The following CNTN5 variants were observed in gnomAD, a reference collection of about 807,000 sequenced individuals.
CNTN5 encodes contactin 5, also known as contactin-5.
A neutral mutation model predicts 129.1 loss-of-function variants in CNTN5; 77 were observed. That is an observed-to-expected ratio of 0.60 (90% confidence interval 0.50 to 0.72). The LOEUF is 0.72. Ranked by LOEUF, CNTN5 falls within the 30% of genes least tolerant of loss-of-function variation. The pLI is 0.00. For missense variants in CNTN5, 1,478 were observed against 1,328.8 expected, an observed-to-expected ratio of 1.11 and a Z score of -1.75; for synonymous variants, 509 against 465.6, an observed-to-expected ratio of 1.09 and a Z score of -1.20.
intron 2 of CNTN5, among the ~76,000 whole-genome samples, chr11:99,449,032 C>CTT (rs1450239416): frequency 6.6e-6 from 1 of 152,042 alleles, no homozygotes; most frequent in African/African-American, 2.4e-5. Flanking sequence ...ATTCGCCTGT[C>CTT]TTGGTCTCCA....
rs138743586 is a variant in CNTN5 at position 99,793,338 on chromosome 11, C to T, written c.56-26206C>T. ...CCTCCCAAAGTGCTGGGATTACAGG[C>T]GTGAGCCACTGTGCCCGGCTCTATC... On this transcript the variant is annotated intron_variant, in intron 3 of 24. Coordinates refer to ENST00000524871, the MANE Select transcript of CNTN5 (RefSeq NM_014361.4). Among the ~76,000 whole-genome samples the T allele has an allele frequency of 2.0e-3, 299 of 152,282 alleles. 1 individual carries two copies. Among genetic ancestry groups the T allele is most frequent in the African/African-American group, 2.8e-3 (117 of 41,562 alleles).
At chr11:99,820,953 T>C (rs988159733) in intron 4 of CNTN5, among the ~76,000 whole-genome samples, 1 of 152,230 alleles carries the variant, frequency 6.6e-6, no homozygotes, top group African/African-American at 2.4e-5. Context: ...ATTATACCAA[T>C]TGTTGCCATG....
At position 100,315,240 on chromosome 11, in the gene CNTN5, G is replaced by A. The variant is rs1052028920; in HGVS notation, c.2730+6772G>A. Among the ~76,000 whole-genome samples, 24 of 152,238 alleles carry A rather than the reference G, an allele frequency of 1.6e-4. 1 individual carries two copies. Among genetic ancestry groups the A allele is most frequent in the South Asian group, 6.2e-4 (3 of 4,818 alleles). On this transcript the variant is annotated intron_variant, in intron 21 of 24. Coordinates refer to ENST00000524871, the MANE Select transcript of CNTN5 (RefSeq NM_014361.4). ...CTTACACTTGGCATTTTGGCCTTTC[G>A]CAAGGAAGCTTCCATTACATCTTAA...
intron 13 of CNTN5, among the ~76,000 whole-genome samples, chr11:100,094,649 G>T (rs1044410583): frequency 6.6e-6 from 1 of 151,676 alleles, no homozygotes; most frequent in Non-Finnish European, 1.5e-5. Flanking sequence ...TGGGTTTGTG[G>T]GGAGGGTGGA....
chr11:100,106,859 GACAAAAGTAAAATATCCT>G (rs1945454514), intron 13 of CNTN5, among the ~76,000 whole-genome samples: 1 of 152,030 alleles, frequency 6.6e-6, no homozygotes, highest in South Asian at 2.1e-4. Flanking sequence ...TTTCCAATGA[GACAAAAGTAAAATATCCT>G]ACTGTTTTTA....
rs1864772859 is a variant in CNTN5, at chr11:99,059,303, T to A, written c.-210+38033T>A. 2.0e-5 allele frequency among the ~76,000 whole-genome samples: 3 copies of A among 152,226 alleles called. No individual in the cohort carries two copies. The East Asian group carries it at 5.8e-4, about 29-fold the overall frequency. On this transcript the variant is annotated intron_variant, in intron 1 of 24. Coordinates refer to ENST00000524871, the MANE Select transcript of CNTN5 (RefSeq NM_014361.4). ...GTCCTTCATTATCATGGAAACAATA[T>A]GTAGACTATTCTTTTACAAAAAGCC... is the stretch of plus-strand genomic sequence containing the variant.
At chr11:99,489,329 G>A (rs934667577) in intron 2 of CNTN5, among the ~76,000 whole-genome samples, 8 of 152,220 alleles carry the variant, frequency 5.3e-5, no homozygotes, top group African/African-American at 1.2e-4. Context: ...GCAATAGAGC[G>A]TTATTTATTC....
At chr11:100,223,694 G>C (rs1312403123) in intron 15 of CNTN5, among the ~76,000 whole-genome samples, 2 of 151,996 alleles carry the variant, frequency 1.3e-5, no homozygotes, top group South Asian at 4.1e-4. Context: ...TGAGTTCTTT[G>C]ATGTCATTTC....
intron 3 of CNTN5, among the ~76,000 whole-genome samples, chr11:99,792,609 G>C (rs1470864447): frequency 7.5e-6 from 1 of 134,046 alleles, no homozygotes; most frequent in African/African-American, 2.8e-5. Flanking sequence ...GCAAGGTTTT[G>C]GTATTAAGAT....
At chr11:99,966,179 G>C (rs1951089068) in intron 8 of CNTN5, among the ~76,000 whole-genome samples, 1 of 152,116 alleles carries the variant, frequency 6.6e-6, no homozygotes, top group Non-Finnish European at 1.5e-5. Context: ...AAAAAATGTA[G>C]ACCTTTCTAA....
chr11:99,925,729 C>G (rs1178292516), intron 7 of CNTN5, among the ~76,000 whole-genome samples: 1 of 149,630 alleles, frequency 6.7e-6, no homozygotes, highest in Admixed American at 6.6e-5. Context: ...TTTTTTTTTT[C>G]TTTTGGATTC....
chr11:100,035,575 A>G (rs1262771041), intron 9 of CNTN5, among the ~76,000 whole-genome samples: 14 of 142,800 alleles, frequency 9.8e-5, no homozygotes, highest in Non-Finnish European at 3.0e-5. Context: ...GAACTAGTTT[A>G]CAGTCCCACC....
intron 18 of CNTN5, among the ~76,000 whole-genome samples, chr11:100,280,764 C>T (rs1950619036): frequency 6.6e-6 from 1 of 152,044 alleles, no homozygotes; most frequent in Admixed American, 6.5e-5. Context: ...TTCCTTCTTT[C>T]CTTTCTTCCT....
At chr11:99,690,356 G>C (rs1196627072) in intron 3 of CNTN5, among the ~76,000 whole-genome samples, 3 of 152,080 alleles carry the variant, frequency 2.0e-5, no homozygotes, top group Non-Finnish European at 2.9e-5. Context: ...TTGAAGTTGG[G>C]TAACATGATG....
At chr11:99,254,682 A>G (rs1862286542) in intron 1 of CNTN5, among the ~76,000 whole-genome samples, 1 of 151,982 alleles carries the variant, frequency 6.6e-6, no homozygotes, top group Non-Finnish European at 1.5e-5. Context: ...TCTCAGTCAG[A>G]GTATGATTTA....
intron 3 of CNTN5, among the ~76,000 whole-genome samples, chr11:99,773,395 C>T (rs1367593598): frequency 6.6e-6 from 1 of 151,972 alleles, no homozygotes; most frequent in Admixed American, 6.6e-5. Flanking sequence ...AGATCTTGTT[C>T]ATATTTTTGT....
intron 6 of CNTN5, among the ~76,000 whole-genome samples, chr11:99,881,473 A>G (rs1182964416): frequency 1.3e-5 from 2 of 152,210 alleles, no homozygotes; most frequent in African/African-American, 2.4e-5. Flanking sequence ...TTGATTCTAC[A>G]TTAGTTATGC....
chr11:100,352,506 A>G (rs886218763), intron 24 of CNTN5, among the ~76,000 whole-genome samples: 3 of 151,774 alleles, frequency 2.0e-5, no homozygotes, highest in African/African-American at 7.2e-5. Flanking sequence ...GTACAGAAAT[A>G]ACAATAAAGC....
At chr11:99,498,673 C>G (rs1184857923) in intron 2 of CNTN5, among the ~76,000 whole-genome samples, 1 of 152,122 alleles carries the variant, frequency 6.6e-6, no homozygotes, top group Non-Finnish European at 1.5e-5. Context: ...ACCATTATAT[C>G]TCATACCTGT....
Sources: allele counts gnomAD v4.1 joint callset (sites outside exome capture counted in the v4.1 genomes callset), GRCh38; gene constraint gnomAD v4.1.1; transcripts MANE v1.5; gene names NCBI Gene and HGNC (gene_info 2026-07-23, HGNC 2026-07-21).